The following NFATC2 variants were observed in gnomAD, a reference collection of about 807,000 sequenced individuals.
NFATC2 encodes nuclear factor of activated T cells 2.
NFATC2 carries 22 observed loss-of-function variants against 87.3 expected under a neutral mutation model. That is an observed-to-expected ratio of 0.25 (90% CI 0.18 to 0.36). NFATC2 has a LOEUF of 0.36. Ranked by LOEUF, NFATC2 falls within the 10% of genes least tolerant of loss-of-function variation. NFATC2 has a pLI of 1.00. For synonymous variants in NFATC2, 565 were observed against 542.2 expected (o/e 1.04, Z -0.58); for missense variants, 1,149 against 1,259.1 (o/e 0.91, Z 1.32).
chr20:51,398,736 A>AAAGATTTGCAAAATCATTTTTGAGAAG lies in NFATC2; in HGVS notation c.2723-33_2723-7dup, dbSNP rs778481967. ...AAGGTGTGTGTCTATCAGCTCTGAA[A>AAAGATTTGCAAAATCATTTTTGAGAAG]AAGATTTGCAAAATCATTTTTGAGA... On this transcript the variant is annotated splice_region_variant and splice_polypyrimidine_tract_variant and intron_variant, in intron 9 of 10. Coordinates refer to ENST00000371564, the MANE Select transcript of NFATC2 (RefSeq NM_012340.5). 3.1e-6 allele frequency: 5 copies of AAAGATTTGCAAAATCATTTTTGAGAAG among 1,597,516 alleles called. No individual in the cohort carries two copies. The highest frequency in any genetic ancestry group is 4.3e-6 in the Non-Finnish European group (5 of 1,167,700).
intron 6 of NFATC2, among the ~76,000 whole-genome samples, chr20:51,444,474 G>GT (rs1219930626): frequency 6.6e-6 from 1 of 152,130 alleles, no homozygotes; most frequent in Non-Finnish European, 1.5e-5. Flanking sequence ...CCAGGAAGCA[G>GT]TAGGGTTGGC....
intron 3 of NFATC2, among the ~76,000 whole-genome samples, chr20:51,503,437 G>T (rs1231431265): frequency 6.6e-6 from 1 of 152,234 alleles, no homozygotes; most frequent in African/African-American, 2.4e-5. Context: ...CACTAGTATG[G>T]TGAGAACAAC....
intron 9 of NFATC2, among the ~76,000 whole-genome samples, chr20:51,402,883 T>C (rs1258894188): frequency 6.6e-6 from 1 of 152,198 alleles, no homozygotes; most frequent in African/African-American, 2.4e-5. Context: ...TTTCTTCAAA[T>C]ACCAACATGG....
At chr20:51,519,187 T>C (rs977967589) in intron 2 of NFATC2, among the ~76,000 whole-genome samples, 1 of 152,236 alleles carries the variant, frequency 6.6e-6, no homozygotes, top group Non-Finnish European at 1.5e-5. Context: ...TTACAAACTA[T>C]GACTCCTTAA....
chr20:51,506,212 C>T (rs1028122890), intron 3 of NFATC2, among the ~76,000 whole-genome samples: 1 of 152,234 alleles, frequency 6.6e-6, no homozygotes, highest in East Asian at 1.9e-4. Context: ...CTGCTCATCA[C>T]TGGCGATGAG....
At chr20:51,472,978 G>A (rs1988374812) in intron 5 of NFATC2, among the ~76,000 whole-genome samples, 1 of 152,136 alleles carries the variant, frequency 6.6e-6, no homozygotes, top group South Asian at 2.1e-4. Flanking sequence ...CAGATAATAA[G>A]TGTTGTCACA....
chr20:51,520,804 G>A (rs183442310), intron 2 of NFATC2, among the ~76,000 whole-genome samples: 2 of 152,106 alleles, frequency 1.3e-5, no homozygotes, highest in Admixed American at 6.5e-5. Flanking sequence ...GGGATTACAG[G>A]CATGCAACAT....
In NFATC2 at chr20:51,488,935, T is replaced by C. The variant is rs549101227; in HGVS notation, c.1333-13275A>G. Among the ~76,000 whole-genome samples, 9 of 152,358 alleles carry C rather than the reference T, an allele frequency of 5.9e-5. No homozygotes were observed. The South Asian group carries it at 1.5e-3, about 25-fold the overall frequency. The stretch of plus-strand genomic sequence containing the variant: ...TGGGCGCAGTGGCTCATGCCTGTAA[T>C]CCCAGCACTTTGGGAGGCCAAGGCA... On this transcript the variant is annotated intron_variant, in intron 3 of 10. Transcript: ENST00000371564.
At chr20:51,486,699 C>T (rs1309676746) in intron 3 of NFATC2, among the ~76,000 whole-genome samples, 6 of 150,316 alleles carry the variant, frequency 4.0e-5, no homozygotes, top group South Asian at 2.1e-4. Flanking sequence ...AATAAATAAA[C>T]GAATAGATTG....
chr20:51,540,647 G>GTTTTTTTTTTTTTTTTTTTTTT lies in NFATC2; in HGVS notation c.130+1722_130+1723insAAAAAAAAAAAAAAAAAAAAAA, dbSNP rs375172598. ...ATCTGAAACTGTTCCAAAAACTGAAGTTTTTTTTTTGTTTTTTTTTTTTTG... is the reference window on the plus strand; with the variant it reads ...ATCTGAAACTGTTCCAAAAACTGAAGTTTTTTTTTTTTTTTTTTTTTTTTTTTTTTTTGTTTTTTTTTTTTTG... On this transcript the variant is annotated intron_variant, in intron 1 of 10. Coordinates refer to ENST00000371564, the MANE Select transcript of NFATC2 (RefSeq NM_012340.5). 7.3e-4 allele frequency among the ~76,000 whole-genome samples: 82 copies of GTTTTTTTTTTTTTTTTTTTTTT among 112,918 alleles called. 9 individuals carry two copies. The highest frequency in any genetic ancestry group is 1.2e-3 in the African/African-American group (28 of 22,868). The allele number at this position is 112,918 out of a possible 152,430, so 74.1% of individuals were successfully genotyped here. A position where few individuals can be genotyped will look rare whatever the true frequency, so the allele number is the denominator to read the frequency against.
chr20:51,475,637 C>T lies in NFATC2; in HGVS notation c.1356G>A (p.Lys452=), dbSNP rs1438037889. The change falls in exon 4 of 11, where the codon AAG becomes AAA. Residue 452 remains lysine, a synonymous_variant. Transcript: ENST00000371564. The part of the protein sequence containing the change: ...VVQLHGYMEN[K]PLGLQIFIGT... ...CAATGAAGATCTGAAGTCCCAGAGG[C>T]TTGTTTTCCATGTAGCCATGGAGCT... The T allele has an allele frequency of 6.2e-7, 1 of 1,614,106 alleles. No individual in the cohort carries two copies. The highest frequency in any genetic ancestry group is 1.7e-5 in the Admixed American group (1 of 60,016).
At chr20:51,393,368 A>G (rs1259620572) in intron 10 of NFATC2, among the ~76,000 whole-genome samples, 2 of 152,234 alleles carry the variant, frequency 1.3e-5, no homozygotes, top group African/African-American at 2.4e-5. Flanking sequence ...TAAAGATCAC[A>G]GTGCCCAGCG....
At chr20:51,522,137 C>G (rs1229197495) in intron 2 of NFATC2, among the ~76,000 whole-genome samples, 1 of 152,104 alleles carries the variant, frequency 6.6e-6, no homozygotes, top group African/African-American at 2.4e-5. Flanking sequence ...TTTGGTATCC[C>G]AGGATATCAC....
chr20:51,473,855 C>T, intron 5 of NFATC2, 125 bp downstream of exon 5: 1 of 945,088 alleles, frequency 1.1e-6, no homozygotes. Context: ...GCCAGTGTAA[C>T]CCTGTGGGTC....
At chr20:51,397,196 T>C (rs1313852879) in intron 10 of NFATC2, among the ~76,000 whole-genome samples, 2 of 152,204 alleles carry the variant, frequency 1.3e-5, no homozygotes, top group Admixed American at 6.5e-5. Context: ...CTCTGACTTC[T>C]TCTGTCTCAA....
intron 1 of NFATC2, among the ~76,000 whole-genome samples, chr20:51,555,949 C>A (rs1406168874): frequency 6.6e-6 from 1 of 152,180 alleles, no homozygotes; most frequent in East Asian, 1.9e-4. Flanking sequence ...ATGAATGGGA[C>A]CTTATTTGGA....
At chr20:51,440,854 T>G (rs919775380) in intron 6 of NFATC2, among the ~76,000 whole-genome samples, 3 of 152,208 alleles carry the variant, frequency 2.0e-5, no homozygotes, top group Non-Finnish European at 4.4e-5. Context: ...CAAGGTACCT[T>G]GGGGTCATTT....
At chr20:51,413,002 C>A (rs1160618162) in intron 9 of NFATC2, among the ~76,000 whole-genome samples, 2 of 137,012 alleles carry the variant, frequency 1.5e-5, no homozygotes. Flanking sequence ...CGCCGCCCCC[C>A]CCCCTCCCCG....
At chr20:51,470,621 ACTCTCCCT>A (rs1988116533) in intron 5 of NFATC2, among the ~76,000 whole-genome samples, 1 of 151,098 alleles carries the variant, frequency 6.6e-6, no homozygotes, top group Non-Finnish European at 1.5e-5. Context: ...TCACCAACTC[ACTCTCCCT>A]GTCATTGGAG....
Sources: allele counts gnomAD v4.1 joint callset (sites outside exome capture counted in the v4.1 genomes callset), GRCh38; gene constraint gnomAD v4.1.1; transcripts MANE v1.5; gene names NCBI Gene and HGNC (gene_info 2026-07-23, HGNC 2026-07-21).